Variants in ATAD1 observed in about 807,000 individuals in gnomAD.
The protein encoded by ATAD1 is ATPase family AAA domain containing 1.
A neutral mutation model predicts 42.7 loss-of-function variants in ATAD1; 18 were observed. That is an observed-to-expected ratio of 0.42 (90% confidence interval 0.29 to 0.63). The LOEUF is 0.63. Among genes scored for constraint, ATAD1 ranks in the 20% least tolerant of loss-of-function variants. ATAD1 has a pLI of 0.19. For missense variants in ATAD1, 294 were observed against 440.4 expected (o/e 0.67, Z 2.98); for synonymous variants, 132 against 143.1 (o/e 0.92, Z 0.55).
chr10:87,792,852 T>C, intron 2 of ATAD1, 97 bp from the exon 3 acceptor site: 2 of 876,442 alleles, frequency 2.3e-6, no homozygotes, highest in Non-Finnish European at 3.7e-6. Context: ...AATGAACAGA[T>C]AGATATACAA....
At chr10:87,792,617 C>G (rs1856181341) in intron 3 of ATAD1, 40 bp downstream of exon 3, 1 of 1,248,306 alleles carries the variant, frequency 8.0e-7, no homozygotes, top group African/African-American at 1.5e-5. Flanking sequence ...AACCCACCCC[C>G]ACCTCTAAAA....
At chr10:87,794,219 T>C (rs187371724) in intron 2 of ATAD1, among the ~76,000 whole-genome samples, 1 of 152,116 alleles carries the variant, frequency 6.6e-6, no homozygotes, top group African/African-American at 2.4e-5. Context: ...TCTTGTCTCA[T>C]AAGAATTTTT....
intron 5 of ATAD1, among the ~76,000 whole-genome samples, chr10:87,784,217 G>A (rs1222240747): frequency 1.3e-5 from 2 of 152,108 alleles, no homozygotes; most frequent in Non-Finnish European, 2.9e-5. Flanking sequence ...ATATACATGA[G>A]AAAACATGTA....
chr10:87,799,924 G>C (rs1413590549), intron 2 of ATAD1, among the ~76,000 whole-genome samples: 1 of 151,678 alleles, frequency 6.6e-6, no homozygotes, highest in African/African-American at 2.4e-5. Context: ...AAAATAAAGA[G>C]GGTTGTTTTG....
intron 1 of ATAD1, among the ~76,000 whole-genome samples, chr10:87,827,211 A>G (rs1857746749): frequency 6.6e-6 from 1 of 152,240 alleles, no homozygotes; most frequent in African/African-American, 2.4e-5. Context: ...CATAATGCTA[A>G]ATATTTAATA....
At chr10:87,760,223 T>G (rs1417758319) in intron 8 of ATAD1, among the ~76,000 whole-genome samples, 1 of 152,216 alleles carries the variant, frequency 6.6e-6, no homozygotes, top group African/African-American at 2.4e-5. Flanking sequence ...AAGTCTCATG[T>G]TGAATTTAAT....
chr10:87,834,536 A>G (rs142184480), intron 1 of ATAD1, among the ~76,000 whole-genome samples: 228 of 152,206 alleles, frequency 1.5e-3, no homozygotes, highest in African/African-American at 5.3e-3. Flanking sequence ...GAATTAGTCT[A>G]TTTCACATAG....
At chr10:87,839,528 A>T (rs1177192943) in intron 1 of ATAD1, among the ~76,000 whole-genome samples, 2 of 152,234 alleles carry the variant, frequency 1.3e-5, no homozygotes, top group East Asian at 3.8e-4. Context: ...ACAGAACATG[A>T]GTAATTCTTG....
intron 8 of ATAD1, among the ~76,000 whole-genome samples, chr10:87,762,912 A>AT (rs1854553557): frequency 1.9e-5 from 2 of 103,878 alleles, no homozygotes; most frequent in Admixed American, 1.1e-4. Flanking sequence ...CTACTAAAAA[A>AT]AAAAAAATAT....
At chr10:87,779,274 G>A (rs12260883) in intron 5 of ATAD1, among the ~76,000 whole-genome samples, 2,859 of 151,980 alleles carry the variant, frequency 0.019, 83 homozygotes, top group African/African-American at 0.064. Context: ...CTCCAGCCTG[G>A]GCAACAAGAG....
chr10:87,783,515 G>C (rs984107286), intron 5 of ATAD1, among the ~76,000 whole-genome samples: 23 of 151,828 alleles, frequency 1.5e-4, no homozygotes, highest in African/African-American at 5.6e-4. Flanking sequence ...CTACATATTT[G>C]TATCTATTTT....
intron 5 of ATAD1, among the ~76,000 whole-genome samples, chr10:87,779,899 T>A (rs1431871212): frequency 6.6e-6 from 1 of 152,238 alleles, no homozygotes; most frequent in African/African-American, 2.4e-5. Context: ...ACAGCCACTT[T>A]GGAAGACAGT....
chr10:87,805,716 T>C (rs1043934518), intron 2 of ATAD1, among the ~76,000 whole-genome samples: 1 of 151,736 alleles, frequency 6.6e-6, no homozygotes, highest in African/African-American at 2.4e-5. Context: ...CTCCATCTAT[T>C]AAATATCCTT....
chr10:87,776,888 T>C (rs1306708427), intron 5 of ATAD1, among the ~76,000 whole-genome samples: 8 of 152,128 alleles, frequency 5.3e-5, no homozygotes, highest in Non-Finnish European at 7.4e-5. Flanking sequence ...ATAGTGATCA[T>C]TGAAATGTCA....
At chr10:87,770,586 A>C (rs951351045) in intron 7 of ATAD1, among the ~76,000 whole-genome samples, 1 of 152,218 alleles carries the variant, frequency 6.6e-6, no homozygotes, top group African/African-American at 2.4e-5. Flanking sequence ...GGCCTTCTGA[A>C]TAGAACAATT....
At chr10:87,770,541 C>T (rs546547806) in intron 7 of ATAD1, among the ~76,000 whole-genome samples, 2 of 152,296 alleles carry the variant, frequency 1.3e-5, no homozygotes, top group South Asian at 4.1e-4. Context: ...TCTGCCAATA[C>T]TCAATCAAAT....
chr10:87,779,918 G>T (rs2131858543), intron 5 of ATAD1, among the ~76,000 whole-genome samples: 1 of 152,254 alleles, frequency 6.6e-6, no homozygotes, highest in East Asian at 1.9e-4. Context: ...GTTTGCTAGT[G>T]TCTTACAAAA....
At chr10:87,765,071 A>G (rs1854674258) in intron 8 of ATAD1, among the ~76,000 whole-genome samples, 1 of 152,166 alleles carries the variant, frequency 6.6e-6, no homozygotes, top group Non-Finnish European at 1.5e-5. Flanking sequence ...TTAAAAAAAA[A>G]GAATCCTTTT....
chr10:87,787,037 G>C (rs1336888480), intron 4 of ATAD1, among the ~76,000 whole-genome samples: 1 of 152,090 alleles, frequency 6.6e-6, no homozygotes, highest in African/African-American at 2.4e-5. Flanking sequence ...GTTATTTAGA[G>C]TGGCACCTTT....
Sources: gnomAD v4.1 joint callset for allele counts (sites outside exome capture counted in the v4.1 genomes callset) on GRCh38, gnomAD v4.1.1 for gene constraint, MANE v1.5 for transcripts, NCBI Gene and HGNC (gene_info 2026-07-23, HGNC 2026-07-21) for gene names.